The following UTP4 variants were observed in gnomAD, a reference collection of about 807,000 sequenced individuals.
UTP4 encodes U3 small nucleolar RNA-associated protein 4 homolog.
Under a neutral mutation model 82.4 loss-of-function variants are expected in UTP4, and 45 were observed. That is an observed-to-expected ratio of 0.55 (90% CI 0.43 to 0.70). UTP4 has a LOEUF of 0.70. UTP4 is among the 30% of genes least tolerant of loss of function. UTP4 has a pLI of 0.00. For synonymous variants in UTP4, 348 were observed against 300.3 expected, an observed-to-expected ratio of 1.16 and a Z score of -1.64; for missense variants, 819 against 858.3, an observed-to-expected ratio of 0.95 and a Z score of 0.57.
Position 69,144,267 on chromosome 16 carries a change from TC to T in UTP4, c.738+879del, listed in dbSNP as rs1471633273. Among the ~76,000 whole-genome samples, 4 of 152,066 alleles carry T rather than the reference TC, an allele frequency of 2.6e-5. No individual in the cohort carries two copies. The South Asian group carries it at 8.3e-4, about 32-fold the overall frequency. On this transcript the variant is annotated intron_variant, in intron 6 of 16. Transcript: ENST00000314423. ...CCCAGGCTGGAGTGCAGTGGCACAATCTTGGCTCACTGCAACCTCTGCCTCC... is the reference window on the plus strand; with the variant it reads ...CCCAGGCTGGAGTGCAGTGGCACAATTTGGCTCACTGCAACCTCTGCCTCC...
intron 11 of UTP4, among the ~76,000 whole-genome samples, chr16:69,156,729 T>A (rs1313703125): frequency 6.6e-6 from 1 of 152,202 alleles, no homozygotes; most frequent in East Asian, 1.9e-4. Context: ...AGTGCTGGGA[T>A]CACAGGCATG....
rs747759275 is a variant in UTP4, at chr16:69,143,221, C to G, written c.570C>G (p.Gly190=). The change falls in exon 6 of 17, where the codon GGC becomes GGG. Residue 190 remains glycine, a synonymous_variant. Transcript: ENST00000314423. Reference sequence around the variant, plus strand: ...TGATTGTGGACAGGCAGTATATGGGCGTGTCTAAGCGGAAGTGCATCGTGT... The same window carrying G: ...TGATTGTGGACAGGCAGTATATGGGGGTGTCTAAGCGGAAGTGCATCGTGT... ...HKMIVDRQYM[G]VSKRKCIVWG... is the part of the protein sequence containing the mutation. 6.2e-7 allele frequency: 1 copy of G among 1,614,216 alleles called. No homozygotes were observed.
In UTP4 at chr16:69,145,354, G is replaced by C. The variant is rs902566129; in HGVS notation, c.738+1965G>C. Among the ~76,000 whole-genome samples the C allele has an allele frequency of 4.0e-5, 6 of 151,802 alleles. 1 individual carries two copies. Among genetic ancestry groups the C allele is most frequent in the Admixed American group, 3.9e-4 (6 of 15,234 alleles). ...CGGCTCACTACAACCTCTGTCTCCT[G>C]GGTTCAAGCGATTCTCCTGACTCAG... On this transcript the variant is annotated intron_variant, in intron 6 of 16. Transcript: ENST00000314423.
chr16:69,133,670 G>A (rs1962720628), intron 2 of UTP4, 52 bp downstream of exon 2: 1 of 1,576,290 alleles, frequency 6.3e-7, no homozygotes, highest in African/African-American at 1.4e-5. Flanking sequence ...TTCTTCTGAA[G>A]TTCAAGAAGC....
chr16:69,157,963 C>G (rs915542571), intron 12 of UTP4, among the ~76,000 whole-genome samples: 2 of 150,436 alleles, frequency 1.3e-5, no homozygotes, highest in Non-Finnish European at 3.0e-5. Flanking sequence ...TTTCTGTTTT[C>G]ATTGAGAATG....
At chr16:69,149,736 T>TTTC (rs1219595745) in intron 6 of UTP4, among the ~76,000 whole-genome samples, 1 of 152,126 alleles carries the variant, frequency 6.6e-6, no homozygotes, top group African/African-American at 2.4e-5. Context: ...TGCATTTTTT[T>TTTC]TTCTTTTTTT....
At chr16:69,137,471 G>T (rs1962839754) in intron 3 of UTP4, among the ~76,000 whole-genome samples, 1 of 152,124 alleles carries the variant, frequency 6.6e-6, no homozygotes, top group East Asian at 1.9e-4. Context: ...ATGTTAGTAG[G>T]TCTTTTATTT....
chr16:69,148,647 C>T (rs1278088842), intron 6 of UTP4, among the ~76,000 whole-genome samples: 3 of 147,254 alleles, frequency 2.0e-5, no homozygotes, highest in South Asian at 2.1e-4. Context: ...CGGTCTTGCT[C>T]TGTCACCCAG....
At chr16:69,164,142 C>A (rs1024109892) in intron 14 of UTP4, among the ~76,000 whole-genome samples, 2 of 152,078 alleles carry the variant, frequency 1.3e-5, no homozygotes, top group Non-Finnish European at 2.9e-5. Context: ...CCTCGGCCTC[C>A]CAAAGTGCTG....
chr16:69,149,588 T>G (rs1963206534), intron 6 of UTP4, among the ~76,000 whole-genome samples: 1 of 152,002 alleles, frequency 6.6e-6, no homozygotes. Context: ...AGATGAGGTC[T>G]CACTATGTTG....
At position 69,133,625 on chromosome 16, in the gene UTP4, C is replaced by A; in HGVS notation, c.159+7C>A. The A allele has an allele frequency of 6.2e-7, 1 of 1,613,304 alleles. No homozygotes were observed. The highest frequency in any genetic ancestry group is 1.1e-5 in the South Asian group (1 of 91,026). Reference sequence around the variant, plus strand: ...AAACTACTTTCAGGAGAAAGTAAGTCATTTGGGAGTCTGATATGGTGTTTT... The same window carrying A: ...AAACTACTTTCAGGAGAAAGTAAGTAATTTGGGAGTCTGATATGGTGTTTT... On this transcript the variant is annotated splice_region_variant and intron_variant, in intron 2 of 16. Coordinates refer to ENST00000314423, the MANE Select transcript of UTP4 (RefSeq NM_032830.3).
intron 13 of UTP4, among the ~76,000 whole-genome samples, chr16:69,162,557 C>A (rs1963590555): frequency 6.6e-6 from 1 of 151,762 alleles, no homozygotes; most frequent in African/African-American, 2.4e-5. Context: ...ACTAAAAATA[C>A]AAAAATTAGC....
intron 12 of UTP4, among the ~76,000 whole-genome samples, chr16:69,159,238 A>G (rs1199302177): frequency 6.6e-6 from 1 of 151,580 alleles, no homozygotes; most frequent in African/African-American, 2.4e-5. Flanking sequence ...AACCACGCCC[A>G]GCTATTTTTT....
At chr16:69,145,014 C>T (rs1429366261) in intron 6 of UTP4, among the ~76,000 whole-genome samples, 2 of 151,740 alleles carry the variant, frequency 1.3e-5, no homozygotes, top group African/African-American at 4.8e-5. Context: ...TGGTGGTGGG[C>T]GCCTATAATC....
Position 69,155,384 on chromosome 16 carries a change from T to A in UTP4, c.1165-487T>A, listed in dbSNP as rs150659491. Among the ~76,000 whole-genome samples, 830 of 152,236 alleles carry A rather than the reference T, an allele frequency of 5.5e-3. 33 individuals carry two copies. Among genetic ancestry groups the A allele is most frequent in the Admixed American group, 0.051 (780 of 15,280 alleles). ...TTTCACCATGTTGTCCAGACAGGTC[T>A]TGAACTCCTGGGCTCAAGCAATCCT... On this transcript the variant is annotated intron_variant, in intron 10 of 16. Coordinates refer to ENST00000314423, the MANE Select transcript of UTP4 (RefSeq NM_032830.3).
At position 69,150,614 on chromosome 16, in the gene UTP4, C is replaced by T. The variant is rs1322174981; in HGVS notation, c.816C>T (p.Ser272=). 1.9e-6 allele frequency: 3 copies of T among 1,614,216 alleles called. No homozygotes were observed. Among genetic ancestry groups the T allele is most frequent in the African/African-American group, 2.7e-5 (2 of 75,052 alleles). The change falls in exon 7 of 17, where the codon AGC becomes AGT. Residue 272 remains serine, a synonymous_variant. Transcript: ENST00000314423. ...AGCTGGTCCCTGTGACATCTAACAG[C>T]AGTGAGAAGCAGTGGGTGCGGACAA... ...HFQLVPVTSN[S]SEKQWVRTKP... is the part of the protein sequence containing the mutation.
intron 12 of UTP4, among the ~76,000 whole-genome samples, 172 bp downstream of exon 12, chr16:69,157,412 C>T (rs1046813887): frequency 6.6e-6 from 1 of 152,138 alleles, no homozygotes; most frequent in Admixed American, 6.5e-5. Context: ...TGAAGACTCT[C>T]GATGAGATCT....
In UTP4 at chr16:69,163,234, C is replaced by G. The variant is rs549113916; in HGVS notation, c.1647+56C>G. The G allele has an allele frequency of 3.5e-5, 50 of 1,430,378 alleles. No individual in the cohort carries two copies. The Admixed American group carries it at 8.2e-4, about 23-fold the overall frequency. The allele number at this position is 1,430,378 out of a possible 1,614,324, so 88.6% of individuals were successfully genotyped here. ...TTCCTGCTGGATAGTAACCTAGAAGCTGGAATATTGGGCAGTTGCGGGGAG... is the reference window on the plus strand; with the variant it reads ...TTCCTGCTGGATAGTAACCTAGAAGGTGGAATATTGGGCAGTTGCGGGGAG... On this transcript the variant is annotated intron_variant, in intron 14 of 16. Transcript: ENST00000314423.
chr16:69,163,985 A>G (rs1022547826), intron 14 of UTP4, among the ~76,000 whole-genome samples: 2 of 148,060 alleles, frequency 1.4e-5, no homozygotes, highest in African/African-American at 2.5e-5. Flanking sequence ...TTCCGGGTTC[A>G]TGTCATCCTC....
Sources: allele counts gnomAD v4.1 joint callset (sites outside exome capture counted in the v4.1 genomes callset), GRCh38; gene constraint gnomAD v4.1.1; transcripts MANE v1.5; gene names NCBI Gene and HGNC (gene_info 2026-07-23, HGNC 2026-07-21).